Variants in ZZEF1 observed in about 807,000 individuals in gnomAD.
The protein encoded by ZZEF1 is zinc finger ZZ-type and EF-hand domain-containing protein 1.
Under a neutral mutation model 342.8 loss-of-function variants are expected in ZZEF1, and 157 were observed. The observed-to-expected ratio is 0.46, with a 90% CI of 0.40 to 0.52. The LOEUF (loss-of-function observed/expected upper bound fraction) is 0.52. ZZEF1 is among the 20% of genes least tolerant of loss of function. ZZEF1 has a pLI of 0.00. For missense variants in ZZEF1, 3,480 were observed against 3,725.6 expected (o/e 0.93, Z 1.72); for synonymous variants, 1,505 against 1,429.1 (o/e 1.05, Z -1.20).
At chr17:4,023,450 A>G (rs2056321843) in intron 43 of ZZEF1, among the ~76,000 whole-genome samples, 1 of 152,134 alleles carries the variant, frequency 6.6e-6, no homozygotes, top group Non-Finnish European at 1.5e-5. Context: ...TGCTGCCCTT[A>G]GGGAGTTTAT....
Position 4,014,650 on chromosome 17 carries a change from G to A in ZZEF1, c.8146-135C>T, listed in dbSNP as rs1183202853. ...AACCACAGCCCTGGCCTCCAGGAGT[G>A]CAGAGTCCAGCTAGGGCGAGGAGCA... On this transcript the variant is annotated intron_variant, in intron 49 of 54. Coordinates refer to ENST00000381638, the MANE Select transcript of ZZEF1 (RefSeq NM_015113.4). This position sits in a 1 kb window ranked among gnomAD's most constrained non-coding sequence, Gnocchi z 4.4. The A allele has an allele frequency of 1.1e-6, 1 of 894,192 alleles. No individual in the cohort carries two copies. The highest frequency in any genetic ancestry group is 1.8e-6 in the Non-Finnish European group (1 of 563,648). 55.4% of individuals were successfully genotyped at this position (894,192 alleles called of 1,614,324 possible). A position where few individuals can be genotyped will look rare whatever the true frequency, so the allele number is the denominator to read the frequency against.
intron 52 of ZZEF1, among the ~76,000 whole-genome samples, chr17:4,013,064 G>C (rs1011794883): frequency 6.7e-6 from 1 of 148,300 alleles, no homozygotes; most frequent in Non-Finnish European, 1.5e-5. Flanking sequence ...ACTCCAGCCT[G>C]CGTGACAGAG....
intron 11 of ZZEF1, among the ~76,000 whole-genome samples, chr17:4,094,919 C>A (rs2058007131): frequency 6.6e-6 from 1 of 152,200 alleles, no homozygotes; most frequent in Admixed American, 6.5e-5. Context: ...CCATACTACA[C>A]ACAACATGAT....
intron 1 of ZZEF1, 149 bp downstream of exon 1, chr17:4,142,393 A>G: frequency 1.2e-6 from 1 of 840,620 alleles, no homozygotes; most frequent in Non-Finnish European, 1.8e-6. Flanking sequence ...CATAGGTTAA[A>G]GAGAAACGAA....
chr17:4,074,012 T>C, intron 24 of ZZEF1, 138 bp downstream of exon 24: 1 of 985,786 alleles, frequency 1.0e-6, no homozygotes, highest in Non-Finnish European at 1.5e-6. Context: ...GACACTTTAT[T>C]CTTTCGGTTT....
In ZZEF1 at chr17:4,131,805, T is replaced by A. The variant is rs1283555132; in HGVS notation, c.355-7754A>T. Among the ~76,000 whole-genome samples, 5 of 151,788 alleles carry A rather than the reference T, an allele frequency of 3.3e-5. No individual in the cohort carries two copies. In the East Asian group the frequency reaches 9.6e-4, roughly 29 times the overall value. Reference sequence around the variant, plus strand: ...AAAAAAAAGAAAAACAAAAACATGGTACTATATGGCACAGCAATGTAAAGA... The same window carrying A: ...AAAAAAAAGAAAAACAAAAACATGGAACTATATGGCACAGCAATGTAAAGA... On this transcript the variant is annotated intron_variant, in intron 1 of 54. Transcript: ENST00000381638.
At chr17:4,028,746 G>A (rs2056472687) in intron 42 of ZZEF1, among the ~76,000 whole-genome samples, 1 of 152,108 alleles carries the variant, frequency 6.6e-6, no homozygotes, top group South Asian at 2.1e-4. Flanking sequence ...AGGGCCAAGA[G>A]TATTTTTGAT....
Position 4,008,683 on chromosome 17 carries a change from A to C in ZZEF1, c.8805+200T>G. 2.2e-6 allele frequency: 3 copies of C among 1,337,890 alleles called. No homozygotes were observed. The highest frequency in any genetic ancestry group is 2.9e-6 in the Non-Finnish European group (3 of 1,044,694). 82.9% of individuals were successfully genotyped at this position (1,337,890 alleles called of 1,614,324 possible). ...AAATTCTTCTGACCCCACAGTTTAG[A>C]GTGAATGACTCTGATAAATGGGGCT... On this transcript the variant is annotated intron_variant, in intron 54 of 54. Transcript: ENST00000381638. This position sits in a 1 kb window ranked among gnomAD's most constrained non-coding sequence, Gnocchi z 4.2.
rs2056375275 is a variant in ZZEF1, at chr17:4,025,154, A to C, written c.6893-36T>G. ...ACATCAGGCAGAAAAAGAAAGGCAC[A>C]AAAGTACAGTTCATGCTTCCAGCAG... On this transcript the variant is annotated intron_variant, in intron 42 of 54. Transcript: ENST00000381638. 3.1e-6 allele frequency: 5 copies of C among 1,596,798 alleles called. No individual in the cohort carries two copies. In the Admixed American group the frequency reaches 5.0e-5, roughly 16 times the overall value.
intron 14 of ZZEF1, 47 bp downstream of exon 14, chr17:4,087,384 CATT>C (rs1336385098): frequency 1.4e-6 from 2 of 1,448,410 alleles, no homozygotes; most frequent in Non-Finnish European, 1.9e-6. Context: ...TAGTAAAACT[CATT>C]GTTTTCAGTT....
chr17:4,019,953 C>T (rs550633375), intron 45 of ZZEF1, 184 bp from the exon 46 acceptor site: 2 of 505,366 alleles, frequency 4.0e-6, no homozygotes, highest in South Asian at 5.9e-5. Context: ...GACTATAACA[C>T]CTACACTACG....
intron 2 of ZZEF1, among the ~76,000 whole-genome samples, chr17:4,117,521 G>A (rs911419522): frequency 3.9e-5 from 6 of 151,932 alleles, no homozygotes; most frequent in East Asian, 1.9e-4. Flanking sequence ...GGTGGCAGGC[G>A]CCTGTAATCC....
chr17:4,141,654 G>A (rs1307419812), intron 1 of ZZEF1, among the ~76,000 whole-genome samples: 1 of 151,522 alleles, frequency 6.6e-6, no homozygotes, highest in Admixed American at 6.6e-5. Flanking sequence ...GTTTACCTAT[G>A]TAATACATCT....
chr17:4,104,483 T>TTG, intron 8 of ZZEF1, 150 bp downstream of exon 8: 1 of 796,104 alleles, frequency 1.3e-6, no homozygotes, highest in Non-Finnish European at 2.0e-6. Flanking sequence ...TAAGGTCTGA[T>TTG]ACTCAGAGGA....
Position 4,064,287 on chromosome 17 carries a change from C to T in ZZEF1, c.4718+74G>A, listed in dbSNP as rs2057345754. 7 of 1,175,874 alleles carry T rather than the reference C, an allele frequency of 6.0e-6. No homozygotes were observed. The South Asian group carries it at 1.1e-4, about 18-fold the overall frequency. The allele number at this position is 1,175,874 out of a possible 1,614,324, so 72.8% of individuals were successfully genotyped here. ...ATTATTTGTTCGTTTTTAACATGAA[C>T]TTCAAGCCTCTGACTAGACTGGGTA... is the stretch of plus-strand genomic sequence containing the variant. On this transcript the variant is annotated intron_variant, in intron 29 of 54. Transcript: ENST00000381638.
At chr17:4,028,931 G>A (rs935684496) in intron 42 of ZZEF1, among the ~76,000 whole-genome samples, 6 of 152,174 alleles carry the variant, frequency 3.9e-5, no homozygotes, top group African/African-American at 1.2e-4. Context: ...GAGGCTGTAC[G>A]AATATTAGAT....
intron 52 of ZZEF1, among the ~76,000 whole-genome samples, chr17:4,013,002 A>T (rs2056003880): frequency 6.6e-6 from 1 of 151,446 alleles, no homozygotes; most frequent in South Asian, 2.1e-4. Flanking sequence ...AGAGGACTTG[A>T]TGTTCTAAAG....
Position 4,062,836 on chromosome 17 carries a change from T to G in ZZEF1, c.4800A>C (p.Glu1600Asp). ...GGAAGCAGTGGGGCTGCCCAAGGGA[T>G]TCTGCACAGTGCTGAGTTATCTTCA... ...EVLKITQHCA[E>D]SLGQPHCFHP... is the part of the protein sequence containing the mutation. Residue 1600 changes from glutamate to aspartate, a missense_variant, in exon 30 of 55, where the codon GAA becomes GAC. Physicochemically the swap from Glu to Asp is conservative, Grantham distance 45. Transcript: ENST00000381638. 6.2e-7 allele frequency: 1 copy of G among 1,613,626 alleles called. No homozygotes were observed. The highest frequency in any genetic ancestry group is 1.3e-5 in the African/African-American group (1 of 75,016).
chr17:4,117,770 T>C (rs769044354), intron 2 of ZZEF1, among the ~76,000 whole-genome samples: 6 of 152,040 alleles, frequency 3.9e-5, no homozygotes, highest in Non-Finnish European at 7.4e-5. Flanking sequence ...TAAACACTAA[T>C]AGACGTTTTT....
Sources: allele counts gnomAD v4.1 joint callset (sites outside exome capture counted in the v4.1 genomes callset), GRCh38; gene constraint gnomAD v4.1.1; non-coding constraint Gnocchi (gnomAD v3.1); transcripts MANE v1.5; gene names NCBI Gene and HGNC (gene_info 2026-07-23, HGNC 2026-07-21).